Variants in SCGN observed in about 807,000 individuals in gnomAD.
SCGN encodes secretagogin, EF-hand calcium binding protein, also known as secretagogin.
SCGN carries 30 observed loss-of-function variants against 39.7 expected under a neutral mutation model. The observed-to-expected ratio is 0.76, with a 90% CI of 0.57 to 1.03. SCGN has a LOEUF of 1.03. SCGN is among the 50% of genes least tolerant of loss of function. SCGN has a pLI of 0.00. For synonymous variants in SCGN, 106 were observed against 114.1 expected (o/e 0.93, Z 0.45); for missense variants, 353 against 349.4 (o/e 1.01, Z -0.08).
chr6:25,677,182 T>C lies in SCGN; in HGVS notation c.472-4769T>C, dbSNP rs1252781831. Among the ~76,000 whole-genome samples the C allele has an allele frequency of 4.6e-5, 7 of 152,320 alleles. No homozygotes were observed. In the East Asian group the frequency reaches 1.3e-3, roughly 29 times the overall value. On this transcript the variant is annotated intron_variant, in intron 6 of 10. Coordinates refer to ENST00000377961, the MANE Select transcript of SCGN (RefSeq NM_006998.4). Reference sequence around the variant, plus strand: ...ACCTCATGTCCAAATCCTATCCCTCTTTCAGAACTTACCTGAATTCTTATC... The same window carrying C: ...ACCTCATGTCCAAATCCTATCCCTCCTTCAGAACTTACCTGAATTCTTATC...
intron 7 of SCGN, among the ~76,000 whole-genome samples, chr6:25,682,769 G>C (rs911890713): frequency 1.3e-5 from 2 of 152,200 alleles, no homozygotes; most frequent in African/African-American, 4.8e-5. Context: ...CGCAGCAGCA[G>C]GTATAGCTGA....
chr6:25,696,889 T>C (rs1179318480), intron 10 of SCGN, among the ~76,000 whole-genome samples: 2 of 152,112 alleles, frequency 1.3e-5, no homozygotes, highest in African/African-American at 2.4e-5. Flanking sequence ...GATGAAAAAC[T>C]TTGAAAAGAG....
chr6:25,669,620 G>T, intron 5 of SCGN, 53 bp downstream of exon 5: 1 of 1,461,106 alleles, frequency 6.8e-7, no homozygotes, highest in Non-Finnish European at 9.6e-7. Context: ...AATTTGATAT[G>T]TGTGTATCAT....
intron 7 of SCGN, among the ~76,000 whole-genome samples, chr6:25,685,236 G>A (rs575188213): frequency 1.7e-4 from 26 of 152,286 alleles, no homozygotes; most frequent in Admixed American, 1.6e-3. Flanking sequence ...ATGGTTATTT[G>A]AAGCCACTAT....
At chr6:25,689,321 C>A in intron 8 of SCGN, 104 bp downstream of exon 8, 1 of 1,158,554 alleles carries the variant, frequency 8.6e-7, no homozygotes, top group Non-Finnish European at 1.3e-6. Flanking sequence ...TACTTTTTAA[C>A]TTATTTAGAA....
chr6:25,691,008 T>C (rs747386424), intron 9 of SCGN, 48 bp from the exon 10 acceptor site: 1 of 1,474,220 alleles, frequency 6.8e-7, no homozygotes, highest in African/African-American at 1.4e-5. Context: ...GCCTTGCTTT[T>C]TGGCTTAAGA....
At chr6:25,657,765 C>A (rs1268056462) in intron 2 of SCGN, among the ~76,000 whole-genome samples, 1 of 149,994 alleles carries the variant, frequency 6.7e-6, no homozygotes, top group Non-Finnish European at 1.5e-5. Context: ...CTAGGGTAGC[C>A]TTTGGAGGAT....
chr6:25,685,871 A>C (rs939641799), intron 7 of SCGN, among the ~76,000 whole-genome samples: 1 of 152,188 alleles, frequency 6.6e-6, no homozygotes, highest in Non-Finnish European at 1.5e-5. Context: ...TGCCAGAAGG[A>C]TACCCAGTAC....
intron 2 of SCGN, 150 bp from the exon 3 acceptor site, chr6:25,661,402 A>G (rs751579235): frequency 3.9e-4 from 222 of 562,402 alleles, no homozygotes; most frequent in Non-Finnish European, 6.0e-4. Context: ...CTCTTCTACA[A>G]AAGGGTAAAA....
intron 3 of SCGN, among the ~76,000 whole-genome samples, 179 bp from the exon 4 acceptor site, chr6:25,664,764 A>G (rs528147610): frequency 1.6e-4 from 24 of 152,118 alleles, no homozygotes; most frequent in Non-Finnish European, 7.4e-5. Context: ...TACTTTCTGA[A>G]AGAATCAATG....
intron 9 of SCGN, among the ~76,000 whole-genome samples, chr6:25,690,822 G>A (rs1159004436): frequency 6.6e-6 from 1 of 152,214 alleles, no homozygotes; most frequent in Non-Finnish European, 1.5e-5. Flanking sequence ...TGCAAAAGCC[G>A]AGGAACTCAA....
chr6:25,693,969 G>C (rs1038832314), intron 10 of SCGN, among the ~76,000 whole-genome samples: 2 of 152,168 alleles, frequency 1.3e-5, no homozygotes, highest in Non-Finnish European at 2.9e-5. Flanking sequence ...AAGTTGTCAT[G>C]AAGATTACAG....
At chr6:25,659,322 C>T (rs1466021838) in intron 2 of SCGN, among the ~76,000 whole-genome samples, 1 of 152,188 alleles carries the variant, frequency 6.6e-6, no homozygotes, top group African/African-American at 2.4e-5. Flanking sequence ...AATTTATTAA[C>T]GACTTAATGT....
chr6:25,682,098 G>A, intron 7 of SCGN, 92 bp downstream of exon 7: 1 of 932,144 alleles, frequency 1.1e-6, no homozygotes, highest in African/African-American at 1.6e-5. Flanking sequence ...TGGAGATCAA[G>A]CCTCACCTGG....
chr6:25,670,004 C>A lies in SCGN; in HGVS notation c.399C>A (p.Phe133Leu). Reference protein sequence around the residue: ...GFISAAELRNFLRDLFLHHKK... With the variant: ...GFISAAELRNLLRDLFLHHKK... ...TTCTTCTCTTGGCGCCACAGAACTTCCTCCGAGACCTCTTTCTTCACCACA... is the reference window on the plus strand; with the variant it reads ...TTCTTCTCTTGGCGCCACAGAACTTACTCCGAGACCTCTTTCTTCACCACA... Residue 133 changes from phenylalanine to leucine, a missense_variant, in exon 6 of 11, where the codon TTC (phenylalanine) becomes TTA (leucine). By Grantham distance (22) the Phe-to-Leu change is conservative. Coordinates refer to ENST00000377961, the MANE Select transcript of SCGN (RefSeq NM_006998.4). 6.2e-7 allele frequency: 1 copy of A among 1,613,346 alleles called. No individual in the cohort carries two copies.
At chr6:25,691,635 T>C (rs1458267550) in intron 10 of SCGN, among the ~76,000 whole-genome samples, 4 of 152,224 alleles carry the variant, frequency 2.6e-5, no homozygotes, top group African/African-American at 9.6e-5. Flanking sequence ...ACAGCTGTTT[T>C]ATGTAGGATA....
chr6:25,672,902 C>T (rs919929925), intron 6 of SCGN, among the ~76,000 whole-genome samples: 1 of 152,036 alleles, frequency 6.6e-6, no homozygotes, highest in African/African-American at 2.4e-5. Flanking sequence ...GAGAAGATTT[C>T]CTGATGAATC....
At chr6:25,661,690 GT>G in intron 3 of SCGN, 46 bp downstream of exon 3, 1 of 1,275,952 alleles carries the variant, frequency 7.8e-7, no homozygotes, top group Non-Finnish European at 1.1e-6. Context: ...CTTCTTGACT[GT>G]TTTTTTCTTT....
At chr6:25,655,267 A>G (rs191558575) in intron 2 of SCGN, among the ~76,000 whole-genome samples, 64 of 152,334 alleles carry the variant, frequency 4.2e-4, no homozygotes, top group Non-Finnish European at 7.5e-4. Flanking sequence ...AGTCATTTAT[A>G]AAAGGGAGGA....
Sources: allele counts gnomAD v4.1 joint callset (sites outside exome capture counted in the v4.1 genomes callset), GRCh38; gene constraint gnomAD v4.1.1; transcripts MANE v1.5; gene names NCBI Gene and HGNC (gene_info 2026-07-23, HGNC 2026-07-21).